WDTC1: variants seen among roughly 807,000 people sequenced by gnomAD.
WDTC1 encodes the protein WD and tetratricopeptide repeats protein 1.
In WDTC1, 12 loss-of-function variants were observed where a neutral mutation model predicts 76.0. The ratio of observed to expected loss-of-function variants is 0.16; its 90% confidence interval spans 0.10 to 0.26. The LOEUF is 0.26. WDTC1 is among the 10% of genes least tolerant of loss of function. The probability of loss-of-function intolerance (pLI) is 1.00; values close to 1 mark genes in which losing one functional copy is unlikely to be tolerated. For synonymous variants in WDTC1, 326 were observed against 350.8 expected (o/e 0.93, Z 0.79); for missense variants, 511 against 908.8 (o/e 0.56, Z 5.63).
At chr1:27,244,012 G>A (rs928042681) in intron 1 of WDTC1, among the ~76,000 whole-genome samples, 4 of 151,104 alleles carry the variant, frequency 2.6e-5, no homozygotes, top group Non-Finnish European at 5.9e-5. Flanking sequence ...TGTGGGTGGT[G>A]CATGCCCGTG....
rs2013956229 is a variant in WDTC1, at chr1:27,306,379, G to A, written c.2030G>A (p.Ser677Asn). 1 of 1,611,366 alleles carries A rather than the reference G, an allele frequency of 6.2e-7. No individual in the cohort carries two copies. Among genetic ancestry groups the A allele is most frequent in the Admixed American group, 1.7e-5 (1 of 59,984 alleles). ...SSEGQVQCRP[S>N] ...GAGGGCCAGGTGCAGTGCCGGCCCA[G>A]CTAGACCCTCCAGCCCTGGTCCCCA... The change falls in exon 16 of 16, where the codon AGC (serine) becomes AAC (asparagine). Residue 677 changes from serine (S) to asparagine (N), a missense_variant. Coordinates refer to ENST00000319394, the MANE Select transcript of WDTC1 (RefSeq NM_001276252.2). This position sits in a 1 kb window ranked among gnomAD's most constrained non-coding sequence, Gnocchi z 5.0.
intron 1 of WDTC1, among the ~76,000 whole-genome samples, chr1:27,251,482 C>A (rs2012058224): frequency 6.6e-6 from 1 of 151,978 alleles, no homozygotes; most frequent in Non-Finnish European, 1.5e-5. Flanking sequence ...CTCCTTAATT[C>A]ATTGAGTATC....
At position 27,274,113 on chromosome 1, in the gene WDTC1, G is replaced by A. The variant is rs1033337598; in HGVS notation, c.133-8126G>A. 4.0e-5 allele frequency among the ~76,000 whole-genome samples: 6 copies of A among 151,836 alleles called. No homozygotes were observed. Among genetic ancestry groups the A allele is most frequent in the African/African-American group, 1.5e-4 (6 of 41,342 alleles). ...GTGACCAGCCTGGGCAACATAACAG[G>A]ACCTCATCTCTACAAAAAAATACAA... On this transcript the variant is annotated intron_variant, in intron 3 of 15. Coordinates refer to ENST00000319394, the MANE Select transcript of WDTC1 (RefSeq NM_001276252.2). This position sits in a 1 kb window ranked among gnomAD's most constrained non-coding sequence, Gnocchi z 4.2.
intron 1 of WDTC1, among the ~76,000 whole-genome samples, chr1:27,256,522 G>A (rs1023189920): frequency 2.6e-5 from 4 of 152,188 alleles, no homozygotes; most frequent in African/African-American, 9.7e-5. Context: ...CAGAAAATTC[G>A]ACAAATGTCC....
Position 27,260,206 on chromosome 1 carries a change from G to T in WDTC1, c.-99-750G>T, listed in dbSNP as rs189261912. Among the ~76,000 whole-genome samples the T allele has an allele frequency of 1.6e-3, 240 of 152,220 alleles. 2 individuals are homozygous for T. Among genetic ancestry groups the T allele is most frequent in the African/African-American group, 5.4e-3 (225 of 41,538 alleles). On this transcript the variant is annotated intron_variant, in intron 1 of 15. Transcript: ENST00000319394. ...TGCAAGCTCCGCCTCCCAGGTTCACGCCATTCTCCTGCCTCAGCCTCCCGA... is the reference window on the plus strand; with the variant it reads ...TGCAAGCTCCGCCTCCCAGGTTCACTCCATTCTCCTGCCTCAGCCTCCCGA...
At position 27,294,119 on chromosome 1, in the gene WDTC1, A is replaced by G; in HGVS notation, c.757+3A>G. On this transcript the variant is annotated splice_donor_region_variant and intron_variant, in intron 8 of 15. Coordinates refer to ENST00000319394, the MANE Select transcript of WDTC1 (RefSeq NM_001276252.2). The stretch of plus-strand genomic sequence containing the variant: ...TGCAGCCCAGTATTACGTAGCAGGT[A>G]GCGCTCAGCACAGCTCTGGCCCCAA... 6.2e-7 allele frequency: 1 copy of G among 1,613,846 alleles called. No homozygotes were observed. Among genetic ancestry groups the G allele is most frequent in the Non-Finnish European group, 8.5e-7 (1 of 1,179,894 alleles).
Position 27,306,585 on chromosome 1 carries a change from T to C in WDTC1, c.*202T>C. ...CTCTGGGCTGATTGTCCCCTGACTA[T>C]CCCCAGCCCTGAAAAAAAGAGCAGG... On this transcript the variant is annotated 3_prime_UTR_variant, in exon 16 of 16. Transcript: ENST00000319394. The surrounding 1 kb of genome is among the most constrained non-coding windows in gnomAD (Gnocchi z 5.0). 1.6e-6 allele frequency: 1 copy of C among 642,822 alleles called. No individual in the cohort carries two copies. 39.8% of individuals were successfully genotyped at this position (642,822 alleles called of 1,614,324 possible). A position where few individuals can be genotyped will look rare whatever the true frequency, so the allele number is the denominator to read the frequency against.
chr1:27,305,338 C>A lies in WDTC1; in HGVS notation c.1836+145C>A. The A allele has an allele frequency of 9.5e-7, 1 of 1,047,536 alleles. No homozygotes were observed. Among genetic ancestry groups the A allele is most frequent in the Non-Finnish European group, 1.3e-6 (1 of 751,340 alleles). The allele number at this position is 1,047,536 out of a possible 1,614,324, so 64.9% of individuals were successfully genotyped here. ...TTACCCCGGGGCCCAAGGCTGTGTTCTCAGATTCCAGAAGCTCCAAATGCA... is the reference window on the plus strand; with the variant it reads ...TTACCCCGGGGCCCAAGGCTGTGTTATCAGATTCCAGAAGCTCCAAATGCA... On this transcript the variant is annotated intron_variant, in intron 15 of 15. Transcript: ENST00000319394. This position sits in a 1 kb window ranked among gnomAD's most constrained non-coding sequence, Gnocchi z 4.6.
chr1:27,283,600 T>C (rs1362577162), intron 5 of WDTC1, 151 bp downstream of exon 5: 6 of 637,448 alleles, frequency 9.4e-6, no homozygotes, highest in Non-Finnish European at 1.6e-5. Flanking sequence ...TGGTGATTCC[T>C]GAAACCTCAT....
intron 1 of WDTC1, among the ~76,000 whole-genome samples, chr1:27,254,036 T>G (rs2012189934): frequency 6.6e-6 from 1 of 152,208 alleles, no homozygotes; most frequent in South Asian, 2.1e-4. Flanking sequence ...CTTGGTAGAT[T>G]TAAGGGTATT....
In WDTC1 at chr1:27,301,834, C is replaced by T. The variant is rs1002924518; in HGVS notation, c.1468+373C>T. On this transcript the variant is annotated intron_variant, in intron 13 of 15. Coordinates refer to ENST00000319394, the MANE Select transcript of WDTC1 (RefSeq NM_001276252.2). This position sits in a 1 kb window ranked among gnomAD's most constrained non-coding sequence, Gnocchi z 5.8. ...CACTTGGGCATCTGAGAGGCAGAAG[C>T]TGGTCATTGTGTTTGTTCCGAGTGT... Among the ~76,000 whole-genome samples, 10 of 152,174 alleles carry T rather than the reference C, an allele frequency of 6.6e-5. No homozygotes were observed. Among genetic ancestry groups the T allele is most frequent in the Admixed American group, 2.0e-4 (3 of 15,272 alleles).
At chr1:27,255,020 G>A (rs539965513) in intron 1 of WDTC1, among the ~76,000 whole-genome samples, 2 of 151,416 alleles carry the variant, frequency 1.3e-5, no homozygotes, top group African/African-American at 2.4e-5. Flanking sequence ...TTTCCTGCTT[G>A]TCTGGTTTCT....
chr1:27,272,618 C>A (rs531363696), intron 3 of WDTC1, among the ~76,000 whole-genome samples: 1 of 151,998 alleles, frequency 6.6e-6, no homozygotes, highest in African/African-American at 2.4e-5. Context: ...TAGGGAAAGA[C>A]GAGGAAGAAC....
At chr1:27,244,353 C>G (rs143242140) in intron 1 of WDTC1, among the ~76,000 whole-genome samples, 1 of 152,102 alleles carries the variant, frequency 6.6e-6, no homozygotes, top group Non-Finnish European at 1.5e-5. Context: ...GTTTTTGAGA[C>G]AGCGCCTCAC....
At position 27,290,113 on chromosome 1, in the gene WDTC1, A is replaced by G. The variant is rs148939360; in HGVS notation, c.480-2102A>G. On this transcript the variant is annotated intron_variant, in intron 6 of 15. Transcript: ENST00000319394. ...ATTTTCTGAGACAGGGTCTCACTCC[A>G]TTCTATTGCCGAGGTTGGAGTGCAG... 1.5e-3 allele frequency among the ~76,000 whole-genome samples: 233 copies of G among 152,148 alleles called. 2 individuals carry two copies. The highest frequency in any genetic ancestry group is 5.3e-3 in the African/African-American group (218 of 41,500).
chr1:27,306,534 G>A lies in WDTC1; in HGVS notation c.*151G>A. On this transcript the variant is annotated 3_prime_UTR_variant, in exon 16 of 16. Transcript: ENST00000319394. The surrounding 1 kb of genome is among the most constrained non-coding windows in gnomAD (Gnocchi z 5.0). ...TGTTAGTTTGGCGTTAGGGGTGGAG[G>A]TTGCTACAACTTGCTGGCTTTCGGA... The A allele has an allele frequency of 2.0e-6, 2 of 1,016,330 alleles. No individual in the cohort carries two copies. Among genetic ancestry groups the A allele is most frequent in the Admixed American group, 5.7e-5 (2 of 35,040 alleles). 63.0% of individuals were successfully genotyped at this position (1,016,330 alleles called of 1,614,324 possible).
intron 3 of WDTC1, among the ~76,000 whole-genome samples, chr1:27,270,058 C>T (rs1425413625): frequency 4.6e-5 from 7 of 152,012 alleles, no homozygotes; most frequent in African/African-American, 1.5e-4. Flanking sequence ...CTACCTCAGC[C>T]TCCTGAGCAG....
intron 5 of WDTC1, among the ~76,000 whole-genome samples, chr1:27,286,467 CTTT>C (rs1172585069): frequency 1.6e-5 from 2 of 124,440 alleles, no homozygotes; most frequent in Admixed American, 8.1e-5. Context: ...GGATTATTTC[CTTT>C]TTTTTTTTTT....
At chr1:27,267,074 G>A (rs1285174406) in intron 3 of WDTC1, among the ~76,000 whole-genome samples, 1 of 152,038 alleles carries the variant, frequency 6.6e-6, no homozygotes, top group Non-Finnish European at 1.5e-5. Flanking sequence ...TGTAGCTTCC[G>A]CCTTAATAAT....
Sources: allele counts gnomAD v4.1 joint callset (sites outside exome capture counted in the v4.1 genomes callset), GRCh38; gene constraint gnomAD v4.1.1; non-coding constraint Gnocchi (gnomAD v3.1); transcripts MANE v1.5; gene names NCBI Gene and HGNC (gene_info 2026-07-23, HGNC 2026-07-21).